Variants in RALYL observed in about 807,000 individuals in gnomAD.
RALYL encodes the protein RALY RNA binding protein like.
Under a neutral mutation model 35.1 loss-of-function variants are expected in RALYL, and 29 were observed. The ratio of observed to expected loss-of-function variants is 0.83; its 90% confidence interval spans 0.61 to 1.13. RALYL has a LOEUF of 1.13. Among genes scored for constraint, RALYL ranks in the 50% most tolerant of loss-of-function variants. The probability of loss-of-function intolerance (pLI) is 0.00; values close to 1 mark genes in which losing one functional copy is unlikely to be tolerated. For missense variants in RALYL, 359 were observed against 360.4 expected, an observed-to-expected ratio of 1.00 and a Z score of 0.03; for synonymous variants, 120 against 127.6, an observed-to-expected ratio of 0.94 and a Z score of 0.40.
chr8:84,251,487 T>G (rs1345165069), intron 1 of RALYL, among the ~76,000 whole-genome samples: 2 of 152,160 alleles, frequency 1.3e-5, no homozygotes, highest in Non-Finnish European at 2.9e-5. Context: ...TATTTTTTTT[T>G]TGAAAGAAGC....
chr8:84,468,952 T>C (rs1348562989), intron 1 of RALYL, among the ~76,000 whole-genome samples: 2 of 151,696 alleles, frequency 1.3e-5, no homozygotes, highest in Non-Finnish European at 3.0e-5. Context: ...CTGAGGCTTC[T>C]GCATTCTTCA....
In RALYL at chr8:84,887,894, T is replaced by C. The variant is rs1843179425; in HGVS notation, c.858+118T>C. On this transcript the variant is annotated intron_variant, in intron 8 of 8. Coordinates refer to ENST00000521268, the MANE Select transcript of RALYL (RefSeq NM_173848.7). The stretch of plus-strand genomic sequence containing the variant: ...GGGGCTTATTTCTCTTATATGCATA[T>C]ATTTAAGGGAACATGAGTATAGTGC... 9.2e-6 allele frequency: 8 copies of C among 868,150 alleles called. No individual in the cohort carries two copies. In the East Asian group the frequency reaches 2.0e-4, roughly 22 times the overall value. The allele number at this position is 868,150 out of a possible 1,614,324, so 53.8% of individuals were successfully genotyped here. A position where few individuals can be genotyped will look rare whatever the true frequency, so the allele number is the denominator to read the frequency against.
chr8:84,836,362 T>C (rs1402064885), intron 4 of RALYL, among the ~76,000 whole-genome samples: 1 of 152,198 alleles, frequency 6.6e-6, no homozygotes, highest in Non-Finnish European at 1.5e-5. Context: ...AGCCATTTTC[T>C]CTTCCTCAGG....
chr8:84,621,228 T>C (rs1821350336), intron 2 of RALYL, among the ~76,000 whole-genome samples: 1 of 152,130 alleles, frequency 6.6e-6, no homozygotes, highest in African/African-American at 2.4e-5. Flanking sequence ...ACTGCCGTGC[T>C]AGCAATCAGG....
intron 1 of RALYL, among the ~76,000 whole-genome samples, chr8:84,239,161 A>G (rs1027099003): frequency 6.6e-6 from 1 of 152,194 alleles, no homozygotes; most frequent in Non-Finnish European, 1.5e-5. Context: ...TTCCATGGTT[A>G]GTAGGTATAC....
Position 84,910,722 on chromosome 8 carries a change from A to C in RALYL, c.859-10172A>C, listed in dbSNP as rs533025803. ...CCTCTGAAACTTACCTGTGTGCCAG[A>C]GAATCAATCTTTGTTCCTGTAAAAT... On this transcript the variant is annotated intron_variant, in intron 8 of 8. Transcript: ENST00000521268. Among the ~76,000 whole-genome samples, 398 of 152,170 alleles carry C rather than the reference A, an allele frequency of 2.6e-3. 5 individuals carry two copies. The Middle Eastern group carries it at 0.027, about 10-fold the overall frequency.
chr8:84,452,071 A>G (rs1483815045), intron 1 of RALYL, among the ~76,000 whole-genome samples: 1 of 151,920 alleles, frequency 6.6e-6, no homozygotes, highest in Non-Finnish European at 1.5e-5. Context: ...GACCCATTTA[A>G]TAAATGGTTA....
intron 2 of RALYL, among the ~76,000 whole-genome samples, chr8:84,658,797 C>T (rs769854838): frequency 1.6e-4 from 24 of 151,846 alleles, no homozygotes; most frequent in Non-Finnish European, 2.6e-4. Context: ...GAAGAGGGGA[C>T]GTATTGAAAG....
At chr8:84,502,399 G>GACCA (rs1444993446) in intron 1 of RALYL, among the ~76,000 whole-genome samples, 1 of 151,886 alleles carries the variant, frequency 6.6e-6, no homozygotes. Context: ...AGCATCCCTT[G>GACCA]ACCAAGTTCT....
chr8:84,185,723 G>A (rs1812355287), intron 1 of RALYL, among the ~76,000 whole-genome samples: 1 of 152,064 alleles, frequency 6.6e-6, no homozygotes, highest in Non-Finnish European at 1.5e-5. Flanking sequence ...TAAACATAAA[G>A]CAAATGAAAC....
At chr8:84,856,130 G>T (rs1475286272) in intron 5 of RALYL, among the ~76,000 whole-genome samples, 1 of 152,150 alleles carries the variant, frequency 6.6e-6, no homozygotes, top group East Asian at 1.9e-4. Flanking sequence ...GAAAATAACA[G>T]CATGGTACAC....
chr8:84,649,477 C>T (rs1486757684), intron 2 of RALYL, among the ~76,000 whole-genome samples: 4 of 151,812 alleles, frequency 2.6e-5, no homozygotes, highest in Non-Finnish European at 5.9e-5. Flanking sequence ...AGGAAGGGAT[C>T]CAGTTTCAGC....
intron 1 of RALYL, among the ~76,000 whole-genome samples, chr8:84,457,709 A>G (rs1176676609): frequency 6.6e-6 from 1 of 151,770 alleles, no homozygotes; most frequent in African/African-American, 2.4e-5. Context: ...TTTGAAGCCT[A>G]TTTCATTATT....
At chr8:84,254,351 G>A (rs1031165517) in intron 1 of RALYL, among the ~76,000 whole-genome samples, 2 of 152,014 alleles carry the variant, frequency 1.3e-5, no homozygotes, top group African/African-American at 4.8e-5. Context: ...TCTGAAACTT[G>A]GCTAGCCTGC....
intron 3 of RALYL, among the ~76,000 whole-genome samples, chr8:84,783,593 C>T (rs962014787): frequency 6.6e-6 from 1 of 152,084 alleles, no homozygotes; most frequent in Admixed American, 6.6e-5. Flanking sequence ...TTTTCATATT[C>T]TCATGAAAGG....
At chr8:84,705,147 T>A (rs1279518092) in intron 2 of RALYL, among the ~76,000 whole-genome samples, 1 of 152,190 alleles carries the variant, frequency 6.6e-6, no homozygotes, top group African/African-American at 2.4e-5. Flanking sequence ...TTCTGCTGAA[T>A]GCCAGGCATT....
chr8:84,283,073 A>T (rs1246038130), intron 1 of RALYL, among the ~76,000 whole-genome samples: 1 of 152,092 alleles, frequency 6.6e-6, no homozygotes, highest in African/African-American at 2.4e-5. Context: ...TAAGAAAAGA[A>T]CAAAGTATAA....
chr8:84,591,855 T>G (rs373326062), intron 2 of RALYL, among the ~76,000 whole-genome samples: 1 of 152,140 alleles, frequency 6.6e-6, no homozygotes, highest in African/African-American at 2.4e-5. Context: ...TAATTTACCT[T>G]TAGTTAAATA....
intron 1 of RALYL, among the ~76,000 whole-genome samples, chr8:84,208,967 G>T (rs1210534175): frequency 1.3e-5 from 2 of 151,878 alleles, no homozygotes; most frequent in African/African-American, 4.8e-5. Flanking sequence ...TGTATTGGCT[G>T]CATGAGGCTC....
Sources: gnomAD v4.1 joint callset for allele counts (sites outside exome capture counted in the v4.1 genomes callset) on GRCh38, gnomAD v4.1.1 for gene constraint, MANE v1.5 for transcripts, NCBI Gene and HGNC (gene_info 2026-07-23, HGNC 2026-07-21) for gene names.